CNTNAP2: variants seen among roughly 807,000 people sequenced by gnomAD.
CNTNAP2 encodes the protein contactin associated protein 2.
A neutral mutation model predicts 155.2 loss-of-function variants in CNTNAP2; 98 were observed. The observed-to-expected ratio is 0.63, with a 90% CI of 0.54 to 0.75. The LOEUF (loss-of-function observed/expected upper bound fraction) is 0.75, where lower values mean the gene tolerates loss of function less well. CNTNAP2 is among the 30% of genes least tolerant of loss of function. CNTNAP2 has a pLI of 0.00. For synonymous variants in CNTNAP2, 651 were observed against 631.2 expected, an observed-to-expected ratio of 1.03 and a Z score of -0.47; for missense variants, 1,727 against 1,688.1, an observed-to-expected ratio of 1.02 and a Z score of -0.40.
chr7:147,685,162 A>G (rs1333708373), intron 13 of CNTNAP2, among the ~76,000 whole-genome samples: 1 of 152,012 alleles, frequency 6.6e-6, no homozygotes, highest in African/African-American at 2.4e-5. Context: ...TCTATTTGCC[A>G]TATGCTTTAA....
rs560510441 is a variant in CNTNAP2 at position 148,012,447 on chromosome 7, A to G, written c.2383+34458A>G. Among the ~76,000 whole-genome samples the G allele has an allele frequency of 1.7e-3, 257 of 152,356 alleles. 2 individuals carry two copies. Among genetic ancestry groups the G allele is most frequent in the African/African-American group, 6.1e-3 (252 of 41,584 alleles). ...TGCTGTCCAACCACTGTGAAATTTC[A>G]GTTATGCAACAGGCATAAGTTCTAG... On this transcript the variant is annotated intron_variant, in intron 15 of 23. Coordinates refer to ENST00000361727, the MANE Select transcript of CNTNAP2 (RefSeq NM_014141.6).
Position 146,600,616 on chromosome 7 carries a change from ATGTGTG to A in CNTNAP2, c.98-173653_98-173648del, listed in dbSNP as rs531276733. On this transcript the variant is annotated intron_variant, in intron 1 of 23. Coordinates refer to ENST00000361727, the MANE Select transcript of CNTNAP2 (RefSeq NM_014141.6). ...TGTACACGTTTACATATATGCATAT[ATGTGTG>A]TTTGTATCCAGGCATGCGTATGTAT... is the stretch of plus-strand genomic sequence containing the variant. Among the ~76,000 whole-genome samples the A allele has an allele frequency of 2.0e-3, 306 of 152,194 alleles. 4 individuals carry two copies. The highest frequency in any genetic ancestry group is 7.0e-3 in the African/African-American group (292 of 41,542).
intron 15 of CNTNAP2, among the ~76,000 whole-genome samples, chr7:147,986,207 C>T (rs568589645): frequency 6.6e-6 from 1 of 152,142 alleles, no homozygotes; most frequent in Non-Finnish European, 1.5e-5. Context: ...CTCTCTGTCT[C>T]TCCATTCCTG....
chr7:147,671,291 T>G (rs2116966477), intron 13 of CNTNAP2, among the ~76,000 whole-genome samples: 1 of 152,320 alleles, frequency 6.6e-6, no homozygotes, highest in South Asian at 2.1e-4. Context: ...CCTGCTTCAC[T>G]TCCATATGGA....
intron 3 of CNTNAP2, among the ~76,000 whole-genome samples, chr7:146,939,888 GA>G (rs1797011709): frequency 7.8e-6 from 1 of 128,260 alleles, no homozygotes; most frequent in African/African-American, 2.8e-5. Flanking sequence ...GCACAAATGA[GA>G]TTTTTTTTCA....
intron 14 of CNTNAP2, among the ~76,000 whole-genome samples, chr7:147,933,143 T>A (rs1343517595): frequency 1.3e-5 from 2 of 149,282 alleles, no homozygotes; most frequent in Non-Finnish European, 3.0e-5. Context: ...GCTATTGTTT[T>A]AAAAAAAAAA....
chr7:147,575,319 ATGTG>A (rs5888272), intron 12 of CNTNAP2, among the ~76,000 whole-genome samples: 86,142 of 123,894 alleles, frequency 0.7, 29,694 homozygotes, highest in African/African-American at 0.79. Flanking sequence ...GGGTATATAT[ATGTG>A]TGTGTGTGTG....
At chr7:147,110,740 G>GTA (rs1489117765) in intron 5 of CNTNAP2, among the ~76,000 whole-genome samples, 1 of 152,166 alleles carries the variant, frequency 6.6e-6, no homozygotes, top group African/African-American at 2.4e-5. Context: ...ATTCCATGGT[G>GTA]TATATGTACC....
At chr7:146,142,498 G>A (rs1797895701) in intron 1 of CNTNAP2, among the ~76,000 whole-genome samples, 1 of 152,146 alleles carries the variant, frequency 6.6e-6, no homozygotes, top group Non-Finnish European at 1.5e-5. Flanking sequence ...AGTTATACAG[G>A]AATGAAAGAA....
At chr7:147,346,180 C>T (rs1481640313) in intron 9 of CNTNAP2, among the ~76,000 whole-genome samples, 4 of 144,614 alleles carry the variant, frequency 2.8e-5, no homozygotes, top group African/African-American at 1.0e-4. Context: ...CAGAGTCTCG[C>T]TCTGTCGTCC....
intron 1 of CNTNAP2, among the ~76,000 whole-genome samples, chr7:146,492,674 T>C (rs577449548): frequency 6.6e-5 from 10 of 152,318 alleles, no homozygotes; most frequent in African/African-American, 2.4e-4. Context: ...CTTGCTTTGG[T>C]TTCTCAGTTG....
At chr7:147,650,467 C>T (rs1020642587) in intron 13 of CNTNAP2, among the ~76,000 whole-genome samples, 1 of 152,058 alleles carries the variant, frequency 6.6e-6, no homozygotes, top group South Asian at 2.1e-4. Flanking sequence ...CCCTCCTCTT[C>T]CTCCTCCTCC....
chr7:146,118,937 C>T (rs1329302142), intron 1 of CNTNAP2, among the ~76,000 whole-genome samples: 1 of 151,964 alleles, frequency 6.6e-6, no homozygotes, highest in Non-Finnish European at 1.5e-5. Context: ...CAAAGTTGCC[C>T]TATATCCTGG....
intron 13 of CNTNAP2, chr7:147,672,273 A>G (rs1400704679): frequency 6.6e-6 from 1 of 152,254 alleles, no homozygotes; most frequent in Admixed American, 6.5e-5. Flanking sequence ...AAATATAAGT[A>G]GCCCACAAAT....
intron 1 of CNTNAP2, among the ~76,000 whole-genome samples, chr7:146,622,386 A>G (rs1277442580): frequency 6.6e-6 from 1 of 151,856 alleles, no homozygotes; most frequent in Non-Finnish European, 1.5e-5. Context: ...CTTACCAGAA[A>G]CCAGTATCTG....
At chr7:148,135,171 C>T (rs1177715738) in intron 16 of CNTNAP2, among the ~76,000 whole-genome samples, 1 of 151,994 alleles carries the variant, frequency 6.6e-6, no homozygotes, top group Non-Finnish European at 1.5e-5. Flanking sequence ...GTAATATAAC[C>T]TACAGAATAT....
At chr7:146,323,926 G>T (rs2129093159) in intron 1 of CNTNAP2, among the ~76,000 whole-genome samples, 1 of 152,154 alleles carries the variant, frequency 6.6e-6, no homozygotes, top group South Asian at 2.1e-4. Context: ...TTGATGTAAT[G>T]GACATCCCTT....
chr7:147,740,867 G>T (rs1167946659), intron 13 of CNTNAP2, among the ~76,000 whole-genome samples: 3 of 152,284 alleles, frequency 2.0e-5, no homozygotes, highest in Non-Finnish European at 4.4e-5. Context: ...GGAGCAAGAG[G>T]GAGGGCCCAG....
At position 146,383,424 on chromosome 7, in the gene CNTNAP2, C is replaced by T. The variant is rs186498709; in HGVS notation, c.97+266451C>T. The stretch of plus-strand genomic sequence containing the variant: ...TGGGAGTCAGGTAGCTGGTTTTTAA[C>T]GGCATTTCTGATGAAAATGATCTGG... On this transcript the variant is annotated intron_variant, in intron 1 of 23. Transcript: ENST00000361727. 1.2e-4 allele frequency among the ~76,000 whole-genome samples: 19 copies of T among 152,180 alleles called. No individual in the cohort carries two copies. The South Asian group carries it at 2.1e-3, about 17-fold the overall frequency.
Sources: allele counts gnomAD v4.1 joint callset (sites outside exome capture counted in the v4.1 genomes callset), GRCh38; gene constraint gnomAD v4.1.1; transcripts MANE v1.5; gene names NCBI Gene and HGNC (gene_info 2026-07-23, HGNC 2026-07-21).